IL1RAP: variants seen among roughly 807,000 people sequenced by gnomAD.
The protein encoded by IL1RAP is interleukin-1 receptor accessory protein.
IL1RAP carries 35 observed loss-of-function variants against 60.7 expected under a neutral mutation model. The observed-to-expected ratio is 0.58, with a 90% CI of 0.44 to 0.76. The LOEUF is 0.76. IL1RAP is among the 30% of genes least tolerant of loss of function. The pLI, the probability that IL1RAP is intolerant of heterozygous loss-of-function variation, is 0.00. For missense variants in IL1RAP, 572 were observed against 693.9 expected, an observed-to-expected ratio of 0.82 and a Z score of 1.97; for synonymous variants, 268 against 250.9, an observed-to-expected ratio of 1.07 and a Z score of -0.64.
intron 1 of IL1RAP, among the ~76,000 whole-genome samples, chr3:190,537,835 G>A (rs1464982174): frequency 6.6e-6 from 1 of 151,878 alleles, no homozygotes; most frequent in Non-Finnish European, 1.5e-5. Flanking sequence ...TTTCTCCATG[G>A]CATATCATTC....
At chr3:190,575,383 C>T (rs1463866021) in intron 3 of IL1RAP, among the ~76,000 whole-genome samples, 1 of 152,160 alleles carries the variant, frequency 6.6e-6, no homozygotes, top group Non-Finnish European at 1.5e-5. Flanking sequence ...CAAGTCTTTT[C>T]TTACTTGAAG....
chr3:190,635,281 G>A (rs1733131669), intron 9 of IL1RAP, among the ~76,000 whole-genome samples: 1 of 151,938 alleles, frequency 6.6e-6, no homozygotes, highest in Admixed American at 6.6e-5. Context: ...GTCAAGATAA[G>A]GGTTTCTCAA....
rs147288522 is a variant in IL1RAP, at chr3:190,618,708, C to T, written c.538-1567C>T. Among the ~76,000 whole-genome samples, 436 of 152,224 alleles carry T rather than the reference C, an allele frequency of 2.9e-3. 2 individuals carry two copies. Among genetic ancestry groups the T allele is most frequent in the African/African-American group, 9.6e-3 (397 of 41,532 alleles). ...TGACATAAACTTATAAGAATACAGG[C>T]CTTTGAGACCTTATCCTTTGTGATA... On this transcript the variant is annotated intron_variant, in intron 5 of 11. Coordinates refer to ENST00000447382, the MANE Select transcript of IL1RAP (RefSeq NM_002182.4).
chr3:190,649,244 G>T lies in IL1RAP; in HGVS notation c.*539G>T. On this transcript the variant is annotated 3_prime_UTR_variant, in exon 12 of 12. Transcript: ENST00000447382. ...AGCAAGACTGACATCCACTTAGGAT[G>T]ATACAAAGCAGTGTAACTGAAAATG... 3 of 985,656 alleles carry T rather than the reference G, an allele frequency of 3.0e-6. No homozygotes were observed. Among genetic ancestry groups the T allele is most frequent in the Non-Finnish European group, 3.6e-6 (3 of 830,032 alleles). 61.1% of individuals were successfully genotyped at this position (985,656 alleles called of 1,614,324 possible).
At chr3:190,644,048 A>T (rs1733839354) in intron 9 of IL1RAP, 200 bp from the exon 10 acceptor site, 1 of 761,042 alleles carries the variant, frequency 1.3e-6, no homozygotes, top group Non-Finnish European at 1.6e-6. Flanking sequence ...CTTCTATGCC[A>T]GGTGCTGGAA....
rs375973229 is a variant in IL1RAP at position 190,648,502 on chromosome 3, A to G, written c.1510A>G (p.Lys504Glu). ...GNINVILVQYKAVKETKVKEL... is the reference protein window; with the variant it reads ...GNINVILVQYEAVKETKVKEL... Reference sequence around the variant, plus strand: ...CATCAACGTCATTTTAGTACAGTACAAAGCTGTGAAGGAAACGAAGGTGAA... The same window carrying G: ...CATCAACGTCATTTTAGTACAGTACGAAGCTGTGAAGGAAACGAAGGTGAA... The change falls in exon 12 of 12, where the codon AAA (lysine) becomes GAA (glutamate). Residue 504 changes from lysine to glutamate, a missense_variant. Lys to Glu is a moderately conservative substitution (Grantham distance 56). Coordinates refer to ENST00000447382, the MANE Select transcript of IL1RAP (RefSeq NM_002182.4). 6.2e-6 allele frequency: 10 copies of G among 1,613,982 alleles called. No individual in the cohort carries two copies. Among genetic ancestry groups the G allele is most frequent in the African/African-American group, 5.3e-5 (4 of 74,896 alleles).
intron 3 of IL1RAP, among the ~76,000 whole-genome samples, chr3:190,596,057 A>G (rs1045170590): frequency 2.6e-5 from 4 of 152,222 alleles, no homozygotes; most frequent in African/African-American, 9.6e-5. Flanking sequence ...CATTTTGTCC[A>G]AGGCCATATG....
At chr3:190,655,136 A>G (rs1734571599), downstream of IL1RAP, among the ~76,000 whole-genome samples, 1 of 152,214 alleles carries the variant, frequency 6.6e-6, no homozygotes, top group African/African-American at 2.4e-5. Context: ...AAAAATGTTA[A>G]GTATCAAAGG....
chr3:190,519,345 C>T (rs1451184722), intron 1 of IL1RAP, among the ~76,000 whole-genome samples: 1 of 152,182 alleles, frequency 6.6e-6, no homozygotes, highest in African/African-American at 2.4e-5. Context: ...ATCAGCATTT[C>T]ATCGGCACAT....
chr3:190,606,319 ACTTAGCTGGTGAC>A (rs1247301713), intron 4 of IL1RAP, among the ~76,000 whole-genome samples: 1 of 152,200 alleles, frequency 6.6e-6, no homozygotes. Flanking sequence ...CTCTGCCACT[ACTTAGCTGGTGAC>A]CTTAGGCAAG....
chr3:190,525,835 CTCAAT>C (rs1722467116), intron 1 of IL1RAP, among the ~76,000 whole-genome samples: 1 of 152,144 alleles, frequency 6.6e-6, no homozygotes, highest in African/African-American at 2.4e-5. Flanking sequence ...TGCACTATTG[CTCAAT>C]TCAATTCAGC....
chr3:190,587,773 C>T (rs1393389758), intron 3 of IL1RAP, among the ~76,000 whole-genome samples: 2 of 152,136 alleles, frequency 1.3e-5, no homozygotes, highest in Non-Finnish European at 2.9e-5. Context: ...AACCAAGGGG[C>T]TGAGTAAGAC....
intron 5 of IL1RAP, among the ~76,000 whole-genome samples, chr3:190,612,750 A>C (rs1730930688): frequency 6.6e-6 from 1 of 152,104 alleles, no homozygotes; most frequent in Admixed American, 6.6e-5. Flanking sequence ...AATTTTTATC[A>C]CTTTCACATT....
intron 3 of IL1RAP, among the ~76,000 whole-genome samples, chr3:190,601,388 G>A (rs180877513): frequency 6.2e-4 from 95 of 152,340 alleles, no homozygotes; most frequent in African/African-American, 2.2e-3. Flanking sequence ...TGTTACAAGT[G>A]TGCATTGATG....
intron 3 of IL1RAP, among the ~76,000 whole-genome samples, chr3:190,566,098 C>T (rs987297749): frequency 6.6e-6 from 1 of 151,930 alleles, no homozygotes; most frequent in African/African-American, 2.4e-5. Context: ...TCCTCCTTCC[C>T]TCCCTCTGTC....
intron 1 of IL1RAP, among the ~76,000 whole-genome samples, chr3:190,533,495 C>A (rs1475001372): frequency 6.6e-6 from 1 of 152,176 alleles, no homozygotes; most frequent in Non-Finnish European, 1.5e-5. Context: ...CCTCCTCCCT[C>A]CCCCCTGTGC....
intron 3 of IL1RAP, among the ~76,000 whole-genome samples, chr3:190,576,401 C>CGTAT (rs1727453234): frequency 7.3e-6 from 1 of 137,068 alleles, no homozygotes; most frequent in Non-Finnish European, 1.6e-5. Flanking sequence ...CACACACGCA[C>CGTAT]ATTTTAATGG....
At chr3:190,629,618 A>G in intron 9 of IL1RAP, 120 bp downstream of exon 9, 3 of 1,416,330 alleles carry the variant, frequency 2.1e-6, no homozygotes, top group Non-Finnish European at 1.8e-6. Context: ...CATCTAACCC[A>G]TAGTAATGAA....
intron 3 of IL1RAP, among the ~76,000 whole-genome samples, chr3:190,602,532 A>C (rs1393565463): frequency 1.3e-5 from 2 of 152,216 alleles, no homozygotes; most frequent in Non-Finnish European, 2.9e-5. Flanking sequence ...AATATATTCC[A>C]TTAAAGTAAA....
Sources: allele counts gnomAD v4.1 joint callset (sites outside exome capture counted in the v4.1 genomes callset), GRCh38; gene constraint gnomAD v4.1.1; transcripts MANE v1.5; gene names NCBI Gene and HGNC (gene_info 2026-07-23, HGNC 2026-07-21).